PIK3C2G: variants seen among roughly 807,000 people sequenced by gnomAD.
The protein encoded by PIK3C2G is phosphatidylinositol 3-kinase C2 domain-containing subunit gamma.
PIK3C2G carries 168 observed loss-of-function variants against 181.1 expected under a neutral mutation model. That is an observed-to-expected ratio of 0.93 (90% CI 0.82 to 1.05). The LOEUF is 1.05. Ranked by LOEUF, PIK3C2G falls within the 50% of genes least tolerant of loss-of-function variation. The pLI, the probability that PIK3C2G is intolerant of heterozygous loss-of-function variation, is 0.00. For synonymous variants in PIK3C2G, 573 were observed against 592.2 expected, an observed-to-expected ratio of 0.97 and a Z score of 0.47; for missense variants, 1,869 against 1,732.8, an observed-to-expected ratio of 1.08 and a Z score of -1.40.
At chr12:18,646,468 T>C (rs1950136054) in intron 32 of PIK3C2G, among the ~76,000 whole-genome samples, 1 of 152,218 alleles carries the variant, frequency 6.6e-6, no homozygotes, top group Non-Finnish European at 1.5e-5. Context: ...GGTAAGTGAA[T>C]CATTGTTCAG....
chr12:18,477,825 A>C (rs919347392), intron 18 of PIK3C2G, among the ~76,000 whole-genome samples: 1 of 152,158 alleles, frequency 6.6e-6, no homozygotes, highest in African/African-American at 2.4e-5. Flanking sequence ...CAGGGAAACT[A>C]GGTATTTCAA....
In PIK3C2G at chr12:18,601,374, T is replaced by G. The variant is rs189434026; in HGVS notation, c.4087+6805T>G. ...GTGAAATAAGCCAGGAACAGAAAGT[T>G]CAACACCATATATTTTCACTCATAT... On this transcript the variant is annotated intron_variant, in intron 30 of 32. Transcript: ENST00000538779. Among the ~76,000 whole-genome samples the G allele has an allele frequency of 8.5e-4, 129 of 152,050 alleles. 1 individual carries two copies. Among genetic ancestry groups the G allele is most frequent in the African/African-American group, 3.0e-3 (125 of 41,492 alleles).
intron 29 of PIK3C2G, among the ~76,000 whole-genome samples, chr12:18,591,324 A>G (rs1947068111): frequency 6.6e-6 from 1 of 151,954 alleles, no homozygotes; most frequent in Non-Finnish European, 1.5e-5. Context: ...GATGTATTCT[A>G]CATTTGAAGA....
intron 18 of PIK3C2G, among the ~76,000 whole-genome samples, chr12:18,447,802 G>A (rs12306184): frequency 7.1e-4 from 108 of 152,154 alleles, no homozygotes; most frequent in Non-Finnish European, 1.5e-3. Context: ...GCTTCCACTA[G>A]TATGAAAGAA....
upstream of PIK3C2G, among the ~76,000 whole-genome samples, chr12:18,246,420 T>C (rs1190825870): frequency 1.3e-5 from 2 of 152,194 alleles, no homozygotes; most frequent in African/African-American, 4.8e-5. Context: ...CCAATTTATA[T>C]ATTATAGATT....
intron 5 of PIK3C2G, among the ~76,000 whole-genome samples, chr12:18,299,106 A>G (rs1016349749): frequency 1.3e-5 from 2 of 151,952 alleles, no homozygotes; most frequent in African/African-American, 4.8e-5. Flanking sequence ...TAATTTGATA[A>G]GAATTGCTTT....
At chr12:18,536,739 C>T (rs1411901711) in intron 24 of PIK3C2G, among the ~76,000 whole-genome samples, 1 of 152,064 alleles carries the variant, frequency 6.6e-6, no homozygotes, top group East Asian at 1.9e-4. Flanking sequence ...CTTCTCCCAG[C>T]TTGGCTAAAG....
At chr12:18,713,744 T>C in the PIK3C2G span, 1 of 152,170 alleles carries the variant, frequency 6.6e-6, no homozygotes, top group Non-Finnish European at 1.5e-5. Context: ...TACCTCAGAA[T>C]ACAAGTTCAC....
intron 5 of PIK3C2G, among the ~76,000 whole-genome samples, chr12:18,301,110 A>T (rs1254509214): frequency 6.6e-6 from 1 of 152,134 alleles, no homozygotes; most frequent in Non-Finnish European, 1.5e-5. Flanking sequence ...CATGTGACTC[A>T]ATGCTTTTCC....
In PIK3C2G at chr12:18,346,706, A is replaced by C. The variant is rs760248463; in HGVS notation, c.1495A>C (p.Asn499His). Residue 499 changes from asparagine to histidine, a missense_variant, in exon 11 of 33, where the codon AAC (asparagine) becomes CAC (histidine). Coordinates refer to ENST00000538779, the MANE Select transcript of PIK3C2G (RefSeq NM_001288772.2). ...SIYQLINVYC[N>H]SFYADFQPVN... is the part of the protein sequence containing the mutation. Reference sequence around the variant, plus strand: ...CTACCAGCTAATCAATGTCTACTGTAACAGCTTTTATGCAGATTTTCAGCC... The same window carrying C: ...CTACCAGCTAATCAATGTCTACTGTCACAGCTTTTATGCAGATTTTCAGCC... The C allele has an allele frequency of 1.9e-6, 3 of 1,613,204 alleles. No individual in the cohort carries two copies. In the African/African-American group the frequency reaches 4.0e-5, roughly 22 times the overall value.
At position 18,640,460 on chromosome 12, in the gene PIK3C2G, A is replaced by T. The variant is rs758057388; in HGVS notation, c.4214A>T (p.His1405Leu). Residue 1405 changes from histidine (H) to leucine (L), a missense_variant, in exon 32 of 33, where the codon CAT (histidine) becomes CTT (leucine). Transcript: ENST00000538779. ...HLPDGSAPSA[H>L]VEFYLLPYPS... ...CCAGATGGCTCTGCGCCCAGTGCACATGTTGAATTTTATCTTTTACCATAT... is the reference window on the plus strand; with the variant it reads ...CCAGATGGCTCTGCGCCCAGTGCACTTGTTGAATTTTATCTTTTACCATAT... The T allele has an allele frequency of 1.2e-6, 2 of 1,610,404 alleles. No individual in the cohort carries two copies. Among genetic ancestry groups the T allele is most frequent in the Non-Finnish European group, 8.5e-7 (1 of 1,177,922 alleles).
intron 18 of PIK3C2G, among the ~76,000 whole-genome samples, chr12:18,477,095 T>A (rs1939079207): frequency 6.6e-6 from 1 of 152,034 alleles, no homozygotes; most frequent in Non-Finnish European, 1.5e-5. Context: ...TTTCTCTGTG[T>A]GCGTGTGCTC....
intron 5 of PIK3C2G, among the ~76,000 whole-genome samples, chr12:18,296,735 TTCTC>T (rs537127227): frequency 6.6e-6 from 1 of 151,958 alleles, no homozygotes; most frequent in Non-Finnish European, 1.5e-5. Flanking sequence ...CACTTTCATT[TTCTC>T]TCTCTCTCAC....
the PIK3C2G span, chr12:18,683,534 C>T: frequency 6.6e-7 from 1 of 1,510,662 alleles, no homozygotes; most frequent in Non-Finnish European, 8.9e-7. Context: ...ACTGAATACA[C>T]AGCTCATACT....
chr12:18,360,607 C>T (rs1941151410), intron 11 of PIK3C2G, among the ~76,000 whole-genome samples: 1 of 152,134 alleles, frequency 6.6e-6, no homozygotes, highest in African/African-American at 2.4e-5. Context: ...ATTTCTCTTT[C>T]ATCATTTTTG....
chr12:18,516,575 CT>C (rs1197401574), intron 24 of PIK3C2G, among the ~76,000 whole-genome samples: 3 of 151,954 alleles, frequency 2.0e-5, no homozygotes, highest in Non-Finnish European at 4.4e-5. Flanking sequence ...ACCTTTTTCT[CT>C]CTCCTCCTTT....
downstream of PIK3C2G, among the ~76,000 whole-genome samples, chr12:18,650,460 A>T (rs1401163030): frequency 6.7e-6 from 1 of 149,676 alleles, no homozygotes; most frequent in East Asian, 2.0e-4. Flanking sequence ...CAAATTACTG[A>T]AAAAATGTAA....
At chr12:18,592,230 G>C (rs1373774217) in intron 29 of PIK3C2G, among the ~76,000 whole-genome samples, 1 of 151,690 alleles carries the variant, frequency 6.6e-6, no homozygotes, top group Non-Finnish European at 1.5e-5. Flanking sequence ...TACCCAGAAA[G>C]GATACATTAG....
intron 26 of PIK3C2G, among the ~76,000 whole-genome samples, chr12:18,561,464 G>T (rs1246440050): frequency 6.6e-6 from 1 of 152,120 alleles, no homozygotes; most frequent in Non-Finnish European, 1.5e-5. Context: ...GGGTGACAGA[G>T]TAAGACCCTA....
Sources: allele counts gnomAD v4.1 joint callset (sites outside exome capture counted in the v4.1 genomes callset), GRCh38; gene constraint gnomAD v4.1.1; transcripts MANE v1.5; gene names NCBI Gene and HGNC (gene_info 2026-07-23, HGNC 2026-07-21).